SMG6: variants seen among roughly 807,000 people sequenced by gnomAD.
SMG6 encodes SMG6 nonsense mediated mRNA decay factor.
A neutral mutation model predicts 142.2 loss-of-function variants in SMG6; 66 were observed. The observed-to-expected ratio is 0.46, with a 90% confidence interval of 0.38 to 0.57. The LOEUF (loss-of-function observed/expected upper bound fraction) is 0.57. SMG6 is among the 20% of genes least tolerant of loss of function. The probability of loss-of-function intolerance (pLI) is 0.00; values close to 1 mark genes in which losing one functional copy is unlikely to be tolerated. For synonymous variants in SMG6, 779 were observed against 702.4 expected (o/e 1.11, Z -1.72); for missense variants, 1,793 against 1,832.0 (o/e 0.98, Z 0.39).
chr17:2,061,303 C>G lies in SMG6; in HGVS notation c.*189G>C. The G allele has an allele frequency of 1.6e-6, 1 of 607,940 alleles. No individual in the cohort carries two copies. Among genetic ancestry groups the G allele is most frequent in the Non-Finnish European group, 2.8e-6 (1 of 356,712 alleles). 37.7% of individuals were successfully genotyped at this position (607,940 alleles called of 1,614,324 possible). On this transcript the variant is annotated 3_prime_UTR_variant, in exon 19 of 19. Coordinates refer to ENST00000263073, the MANE Select transcript of SMG6 (RefSeq NM_017575.5). ...CCAGGAGGGTCCCAGCAGCTTCCGCCCGATCCTTGGGAGGGGCTCTGTGAG... is the reference window on the plus strand; with the variant it reads ...CCAGGAGGGTCCCAGCAGCTTCCGCGCGATCCTTGGGAGGGGCTCTGTGAG...
intron 8 of SMG6, among the ~76,000 whole-genome samples, chr17:2,270,777 C>T (rs888146732): frequency 6.6e-6 from 1 of 152,228 alleles, no homozygotes; most frequent in East Asian, 1.9e-4. Flanking sequence ...ACTTTCCATG[C>T]CCAGGGGGCG....
At chr17:2,066,253 T>A (rs556599547) in intron 16 of SMG6, among the ~76,000 whole-genome samples, 10 of 152,090 alleles carry the variant, frequency 6.6e-5, no homozygotes, top group Non-Finnish European at 1.3e-4. Context: ...CACGTGTGTG[T>A]GTGCGCGCAC....
At chr17:2,160,027 G>A (rs1394799344) in intron 13 of SMG6, among the ~76,000 whole-genome samples, 1 of 152,138 alleles carries the variant, frequency 6.6e-6, no homozygotes, top group Non-Finnish European at 1.5e-5. Flanking sequence ...GGGGATAGAG[G>A]CACTTGGGAA....
rs1052523346 is a variant in SMG6, at chr17:2,071,822, A to C, written c.3682-2891T>G. The C allele has an allele frequency of 6.6e-6, 1 of 152,136 alleles. No homozygotes were observed. The highest frequency in any genetic ancestry group is 1.5e-5 in the Non-Finnish European group (1 of 68,062). 9.4% of individuals were successfully genotyped at this position (152,136 alleles called of 1,614,324 possible). On this transcript the variant is annotated intron_variant, in intron 15 of 18. Coordinates refer to ENST00000263073, the MANE Select transcript of SMG6 (RefSeq NM_017575.5). This position sits in a 1 kb window ranked among gnomAD's most constrained non-coding sequence, Gnocchi z 5.6. The stretch of plus-strand genomic sequence containing the variant: ...GGCGGAGGAGGGCTTCGGAGTCCAC[A>C]GGCACCCTTCTACGGGTGTCTGCAT...
chr17:2,099,797 A>T (rs1438966225), intron 13 of SMG6, among the ~76,000 whole-genome samples: 1 of 152,212 alleles, frequency 6.6e-6, no homozygotes, highest in Non-Finnish European at 1.5e-5. Context: ...GAACATGAAA[A>T]GGCATTTTTT....
At chr17:2,200,494 G>A (rs532304958) in intron 10 of SMG6, among the ~76,000 whole-genome samples, 3 of 149,472 alleles carry the variant, frequency 2.0e-5, no homozygotes, top group Admixed American at 6.8e-5. Context: ...ATCTCCTAAT[G>A]CTATCCCTCC....
intron 13 of SMG6, among the ~76,000 whole-genome samples, chr17:2,170,474 T>C (rs997443965): frequency 1.3e-5 from 2 of 152,258 alleles, no homozygotes; most frequent in Admixed American, 1.3e-4. Context: ...AAGAAAAGTA[T>C]GGGGATCCTC....
chr17:2,238,346 C>T (rs2151810481), intron 9 of SMG6, among the ~76,000 whole-genome samples: 1 of 152,072 alleles, frequency 6.6e-6, no homozygotes, highest in East Asian at 1.9e-4. Context: ...CCCTCCAAAA[C>T]AAAACAAAAC....
chr17:2,288,597 G>C (rs2074959062), intron 6 of SMG6, among the ~76,000 whole-genome samples: 1 of 148,532 alleles, frequency 6.7e-6, no homozygotes, highest in Admixed American at 6.8e-5. Flanking sequence ...ACTCCAGCCT[G>C]GGTGACAGAG....
rs745424919 is a variant in SMG6 at position 2,065,186 on chromosome 17, G to A, written c.4048-32C>T. 1.9e-6 allele frequency: 3 copies of A among 1,542,040 alleles called. No individual in the cohort carries two copies. The African/African-American group carries it at 4.1e-5, about 21-fold the overall frequency. On this transcript the variant is annotated intron_variant, in intron 17 of 18. Coordinates refer to ENST00000263073, the MANE Select transcript of SMG6 (RefSeq NM_017575.5). Reference sequence around the variant, plus strand: ...GAAGACGTGTGTGAGAAGCACCACTGGGCAGAAGGGGGCGCCATGTGGAGG... The same window carrying A: ...GAAGACGTGTGTGAGAAGCACCACTAGGCAGAAGGGGGCGCCATGTGGAGG...
At chr17:2,271,629 C>T (rs1408658753) in intron 8 of SMG6, among the ~76,000 whole-genome samples, 6 of 152,066 alleles carry the variant, frequency 3.9e-5, no homozygotes, top group South Asian at 4.2e-4. Flanking sequence ...GCGGGAGAAT[C>T]GCTTAATCCC....
At chr17:2,110,908 T>C (rs1029444972) in intron 13 of SMG6, among the ~76,000 whole-genome samples, 1 of 152,176 alleles carries the variant, frequency 6.6e-6, no homozygotes, top group African/African-American at 2.4e-5. Flanking sequence ...GCGGCTCCAA[T>C]TCCATTTCGA....
At chr17:2,127,917 T>C in intron 13 of SMG6, 1 of 566,948 alleles carries the variant, frequency 1.8e-6, no homozygotes, top group Non-Finnish European at 3.5e-6. Flanking sequence ...TGGCCTCCAG[T>C]ACCTGGACCA....
chr17:2,184,744 T>G (rs1193153683), intron 12 of SMG6, among the ~76,000 whole-genome samples: 1 of 145,002 alleles, frequency 6.9e-6, no homozygotes, highest in Non-Finnish European at 1.5e-5. Flanking sequence ...GCGGGTGGAT[T>G]GCCTGAGGTC....
intron 8 of SMG6, among the ~76,000 whole-genome samples, chr17:2,246,209 A>C (rs1567714679): frequency 1.3e-5 from 2 of 152,200 alleles, no homozygotes; most frequent in African/African-American, 4.8e-5. Context: ...ATCCAAAGCA[A>C]GTAGAAACAA....
At chr17:2,144,224 A>T (rs2070588588) in intron 13 of SMG6, among the ~76,000 whole-genome samples, 1 of 151,688 alleles carries the variant, frequency 6.6e-6, no homozygotes, top group African/African-American at 2.4e-5. Context: ...ACGCCCAGCT[A>T]ATTTTTATAT....
chr17:2,226,079 C>G (rs1171778656), intron 10 of SMG6, among the ~76,000 whole-genome samples: 2 of 152,016 alleles, frequency 1.3e-5, no homozygotes, highest in African/African-American at 4.8e-5. Flanking sequence ...AGTTCAAGAC[C>G]AGCCTGACCA....
intron 8 of SMG6, among the ~76,000 whole-genome samples, chr17:2,258,008 CAAAAAAAAAAA>C (rs869066817): frequency 0.095 from 2,526 of 26,676 alleles, 76 homozygotes; most frequent in East Asian, 0.25. Context: ...GACTCTGTCG[CAAAAAAAAAAA>C]AAAAAAAAAA....
intron 14 of SMG6, chr17:2,082,277 T>C: frequency 3.8e-6 from 1 of 259,794 alleles, no homozygotes; most frequent in East Asian, 7.4e-5. Flanking sequence ...ACTCACAAAG[T>C]CAAACTTTAG....
Sources: gnomAD v4.1 joint callset for allele counts (sites outside exome capture counted in the v4.1 genomes callset) on GRCh38, gnomAD v4.1.1 for gene constraint, Gnocchi (gnomAD v3.1) non-coding constraint, MANE v1.5 for transcripts, NCBI Gene and HGNC (gene_info 2026-07-23, HGNC 2026-07-21) for gene names.